The following ANKS6 variants were observed in gnomAD, a reference collection of about 807,000 sequenced individuals.
ANKS6 encodes ankyrin repeat and SAM domain-containing protein 6.
ANKS6 carries 47 observed loss-of-function variants against 77.9 expected under a neutral mutation model. The ratio of observed to expected loss-of-function variants is 0.60; its 90% CI spans 0.48 to 0.77. The LOEUF (loss-of-function observed/expected upper bound fraction) is 0.77. Ranked by LOEUF, ANKS6 falls within the 30% of genes least tolerant of loss-of-function variation. The pLI, the probability that ANKS6 is intolerant of heterozygous loss-of-function variation, is 0.00. For synonymous variants in ANKS6, 488 were observed against 501.7 expected (o/e 0.97, Z 0.37); for missense variants, 1,150 against 1,159.1 (o/e 0.99, Z 0.11).
intron 1 of ANKS6, among the ~76,000 whole-genome samples, chr9:98,792,494 A>G (rs1373447349): frequency 6.6e-6 from 1 of 152,262 alleles, no homozygotes; most frequent in East Asian, 1.9e-4. Flanking sequence ...CAAGCCAAGT[A>G]AATGAATGCA....
chr9:98,757,715 T>A (rs1832790003), intron 11 of ANKS6, among the ~76,000 whole-genome samples: 1 of 151,990 alleles, frequency 6.6e-6, no homozygotes, highest in South Asian at 2.1e-4. Flanking sequence ...GATCACAAGG[T>A]CAAGAGTTCA....
At chr9:98,756,931 C>T (rs375496453) in intron 11 of ANKS6, among the ~76,000 whole-genome samples, 323 of 151,862 alleles carry the variant, frequency 2.1e-3, no homozygotes, top group African/African-American at 7.4e-3. Context: ...CCAAGCCCCC[C>T]GAGCTCTCTG....
At position 98,732,784 on chromosome 9, in the gene ANKS6, A is replaced by G; in HGVS notation, c.*3735T>C. On this transcript the variant is annotated 3_prime_UTR_variant, in exon 15 of 15. Transcript: ENST00000353234. ...ATCACGCAGCACTAGGTCTATGTCC[A>G]GTGCTCTTTCCAGGGTAACAGGTTG... 7.3e-7 allele frequency: 1 copy of G among 1,376,434 alleles called. No individual in the cohort carries two copies. Among genetic ancestry groups the G allele is most frequent in the Non-Finnish European group, 9.4e-7 (1 of 1,066,780 alleles). 85.3% of individuals were successfully genotyped at this position (1,376,434 alleles called of 1,614,324 possible). A position where few individuals can be genotyped will look rare whatever the true frequency, so the allele number is the denominator to read the frequency against.
At position 98,733,396 on chromosome 9, in the gene ANKS6, G is replaced by A; in HGVS notation, c.*3123C>T. 1.0e-6 allele frequency: 1 copy of A among 985,438 alleles called. No individual in the cohort carries two copies. Among genetic ancestry groups the A allele is most frequent in the Middle Eastern group, 5.2e-4 (1 of 1,914 alleles). The allele number at this position is 985,438 out of a possible 1,614,324, so 61.0% of individuals were successfully genotyped here. ...CCACCCTGCAGGAGAGCTCAGGGTG[G>A]AGCCTCAGCTCAATGCCCTCAGGCT... On this transcript the variant is annotated 3_prime_UTR_variant, in exon 15 of 15. Transcript: ENST00000353234.
chr9:98,771,122 T>G (rs1459555946), intron 9 of ANKS6, 76 bp from the exon 10 acceptor site: 1 of 1,386,064 alleles, frequency 7.2e-7, no homozygotes, highest in East Asian at 2.7e-5. Flanking sequence ...AGTGTGGGGG[T>G]TCCTGTGCTC....
intron 14 of ANKS6, among the ~76,000 whole-genome samples, chr9:98,737,359 A>G (rs2131917657): frequency 6.6e-6 from 1 of 152,336 alleles, no homozygotes; most frequent in African/African-American, 2.4e-5. Flanking sequence ...CCTAGAACTG[A>G]TAAAAGAATT....
rs1408944214 is a variant in ANKS6, at chr9:98,735,470, G to A, written c.*1049C>T. ...TAATTTAATAAAATATGATATGGTA[G>A]GAAACTACACAAGCCAATTCCCTTT... On this transcript the variant is annotated 3_prime_UTR_variant, in exon 15 of 15. Coordinates refer to ENST00000353234, the MANE Select transcript of ANKS6 (RefSeq NM_173551.5). 8.2e-7 allele frequency: 1 copy of A among 1,220,464 alleles called. No homozygotes were observed. Among genetic ancestry groups the A allele is most frequent in the African/African-American group, 1.6e-5 (1 of 64,232 alleles). 75.6% of individuals were successfully genotyped at this position (1,220,464 alleles called of 1,614,324 possible).
At chr9:98,756,099 C>T (rs1832682169) in intron 12 of ANKS6, among the ~76,000 whole-genome samples, 1 of 152,118 alleles carries the variant, frequency 6.6e-6, no homozygotes, top group African/African-American at 2.4e-5. Context: ...CTCTCACTCA[C>T]AACTGAAAGA....
At position 98,733,277 on chromosome 9, in the gene ANKS6, A is replaced by T. The variant is rs1173652290; in HGVS notation, c.*3242T>A. On this transcript the variant is annotated 3_prime_UTR_variant, in exon 15 of 15. Transcript: ENST00000353234. ...GTAATTTTGTGGCGCTGAAGAAGAG[A>T]GGCAGGAGCCCTCCGTGGCCAGCAG... 5 of 985,434 alleles carry T rather than the reference A, an allele frequency of 5.1e-6. No individual in the cohort carries two copies. In the Admixed American group the frequency reaches 1.8e-4, roughly 36 times the overall value. 61.0% of individuals were successfully genotyped at this position (985,434 alleles called of 1,614,324 possible).
At position 98,770,784 on chromosome 9, in the gene ANKS6, C is replaced by T. The variant is rs578120072; in HGVS notation, c.1972+112G>A. On this transcript the variant is annotated intron_variant, in intron 10 of 14. Coordinates refer to ENST00000353234, the MANE Select transcript of ANKS6 (RefSeq NM_173551.5). ...CTTAGCCACATTAAGGAGAAAGTGCCTCTTGCGTGGTCATTTCTGCGACTG... is the reference window on the plus strand; with the variant it reads ...CTTAGCCACATTAAGGAGAAAGTGCTTCTTGCGTGGTCATTTCTGCGACTG... 3.1e-5 allele frequency: 35 copies of T among 1,137,774 alleles called. 1 individual carries two copies. The South Asian group carries it at 8.4e-4, about 27-fold the overall frequency. 70.5% of individuals were successfully genotyped at this position (1,137,774 alleles called of 1,614,324 possible).
At position 98,790,617 on chromosome 9, in the gene ANKS6, G is replaced by A. The variant is rs771108550; in HGVS notation, c.360-11C>T. On this transcript the variant is annotated splice_polypyrimidine_tract_variant and intron_variant, in intron 1 of 14. Coordinates refer to ENST00000353234, the MANE Select transcript of ANKS6 (RefSeq NM_173551.5). Reference sequence around the variant, plus strand: ...CTCACATGCCCAAATCTGCCAGGAAGATGGAGAATTAGTGACACTGAACAC... The same window carrying A: ...CTCACATGCCCAAATCTGCCAGGAAAATGGAGAATTAGTGACACTGAACAC... 6.9e-6 allele frequency: 11 copies of A among 1,592,310 alleles called. No individual in the cohort carries two copies. The East Asian group carries it at 9.0e-5, about 13-fold the overall frequency.
At position 98,796,356 on chromosome 9, in the gene ANKS6, C is replaced by T; in HGVS notation, c.136G>A (p.Gly46Ser). Residue 46 changes from glycine (G) to serine (S), a missense_variant, in exon 1 of 15, where the codon GGC (glycine) becomes AGC (serine). Coordinates refer to ENST00000353234, the MANE Select transcript of ANKS6 (RefSeq NM_173551.5). ...ACCTCGGCCCCCGCCGGCTCCGCGC[C>T]CGCCTCCGGCTCCGCGCCGCGCTCG... ...PAERGAEPEAGAEPAGAEVAG... is the reference protein window; with the variant it reads ...PAERGAEPEASAEPAGAEVAG... The T allele has an allele frequency of 8.9e-7, 1 of 1,124,594 alleles. No homozygotes were observed. Among genetic ancestry groups the T allele is most frequent in the Non-Finnish European group, 1.1e-6 (1 of 920,604 alleles). 69.7% of individuals were successfully genotyped at this position (1,124,594 alleles called of 1,614,324 possible). A position where few individuals can be genotyped will look rare whatever the true frequency, so the allele number is the denominator to read the frequency against.
rs1438673595 is a variant in ANKS6 at position 98,784,830 on chromosome 9, A to T, written c.907+2T>A. ...TCCAAAAAGATTTTCTAAAGCGCTT[A>T]CCCATTTTCAATGCATGGAAAATAT... On this transcript the variant is annotated splice_donor_variant, in intron 3 of 14. Coordinates refer to ENST00000353234, the MANE Select transcript of ANKS6 (RefSeq NM_173551.5). LOFTEE classifies it high-confidence loss of function. 2.5e-6 allele frequency: 4 copies of T among 1,612,558 alleles called. No homozygotes were observed. Among genetic ancestry groups the T allele is most frequent in the Non-Finnish European group, 3.4e-6 (4 of 1,179,272 alleles).
Position 98,747,523 on chromosome 9 carries a change from T to C in ANKS6, c.2395-1848A>G, listed in dbSNP as rs376020691. On this transcript the variant is annotated intron_variant, in intron 13 of 14. Coordinates refer to ENST00000353234, the MANE Select transcript of ANKS6 (RefSeq NM_173551.5). ...AGCTCCTGGCATCTCCTGGGTGTTTTATAAAAGCTCACGGAGTGCTGAGGG... is the reference window on the plus strand; with the variant it reads ...AGCTCCTGGCATCTCCTGGGTGTTTCATAAAAGCTCACGGAGTGCTGAGGG... Among the ~76,000 whole-genome samples the C allele has an allele frequency of 2.0e-5, 3 of 152,100 alleles. No individual in the cohort carries two copies. The East Asian group carries it at 5.8e-4, about 29-fold the overall frequency.
chr9:98,789,031 ATTTC>A (rs1011173725), intron 2 of ANKS6, among the ~76,000 whole-genome samples: 9 of 143,600 alleles, frequency 6.3e-5, no homozygotes, highest in South Asian at 2.2e-4. Flanking sequence ...TGGATGGTGT[ATTTC>A]TTTTTTTTTT....
Position 98,790,420 on chromosome 9 carries a change from C to G in ANKS6, c.546G>C (p.Leu182Phe), listed in dbSNP as rs1028392248. Reference sequence around the variant, plus strand: ...CCAAGGGCTCATCCCTGCTGCCGCCCAACCCCAGTTGCTCGCCTGAAGGGT... The same window carrying G: ...CCAAGGGCTCATCCCTGCTGCCGCCGAACCCCAGTTGCTCGCCTGAAGGGT... The part of the protein sequence containing the change: ...HHHPSGEQLG[L>F]GGSRDEPLDI... The change falls in exon 2 of 15, where the codon TTG becomes TTC. Residue 182 changes from leucine (L) to phenylalanine (F), a missense_variant. By Grantham distance (22) the Leu-to-Phe change is conservative. Coordinates refer to ENST00000353234, the MANE Select transcript of ANKS6 (RefSeq NM_173551.5). The G allele has an allele frequency of 6.8e-6, 11 of 1,613,708 alleles. No individual in the cohort carries two copies. In the Admixed American group the frequency reaches 1.0e-4, roughly 15 times the overall value.
At chr9:98,740,262 T>A (rs1831751337) in intron 14 of ANKS6, among the ~76,000 whole-genome samples, 1 of 152,074 alleles carries the variant, frequency 6.6e-6, no homozygotes, top group African/African-American at 2.4e-5. Context: ...GAGAGGACAG[T>A]AAGATTCTCC....
intron 12 of ANKS6, among the ~76,000 whole-genome samples, chr9:98,754,209 G>A (rs1289955372): frequency 1.3e-5 from 2 of 152,230 alleles, no homozygotes. Context: ...GTGAGGCTGA[G>A]AAGGTGATGC....
chr9:98,740,156 ACTTT>A (rs373230576), intron 14 of ANKS6, among the ~76,000 whole-genome samples: 6 of 152,182 alleles, frequency 3.9e-5, no homozygotes, highest in African/African-American at 7.2e-5. Context: ...CAGACTTCAA[ACTTT>A]CTTTCATTTC....
Sources: gnomAD v4.1 joint callset for allele counts (sites outside exome capture counted in the v4.1 genomes callset) on GRCh38, gnomAD v4.1.1 for gene constraint, MANE v1.5 for transcripts, NCBI Gene and HGNC (gene_info 2026-07-23, HGNC 2026-07-21) for gene names.